SLC25A23: variants seen among roughly 807,000 people sequenced by gnomAD.
The protein encoded by SLC25A23 is solute carrier family 25 member 23, also known as mitochondrial adenyl nucleotide antiporter SLC25A23.
SLC25A23 carries 32 observed loss-of-function variants against 53.9 expected under a neutral mutation model. The observed-to-expected ratio is 0.59, with a 90% CI of 0.45 to 0.80. SLC25A23 has a LOEUF of 0.80. Among genes scored for constraint, SLC25A23 ranks in the 30% least tolerant of loss-of-function variants. The probability of loss-of-function intolerance (pLI) is 0.00; values close to 1 mark genes in which losing one functional copy is unlikely to be tolerated. For missense variants in SLC25A23, 575 were observed against 651.4 expected (o/e 0.88, Z 1.28); for synonymous variants, 275 against 264.5 (o/e 1.04, Z -0.38).
In SLC25A23 at chr19:6,459,433, C is replaced by T. The variant is rs1429924478; in HGVS notation, c.156+40G>A. 1 of 1,530,358 alleles carries T rather than the reference C, an allele frequency of 6.5e-7. No individual in the cohort carries two copies. Among genetic ancestry groups the T allele is most frequent in the African/African-American group, 1.4e-5 (1 of 72,042 alleles). The allele number at this position is 1,530,358 out of a possible 1,614,324, so 94.8% of individuals were successfully genotyped here. On this transcript the variant is annotated intron_variant, in intron 1 of 9. Coordinates refer to ENST00000301454, the MANE Select transcript of SLC25A23 (RefSeq NM_024103.3). The surrounding 1 kb of genome is among the most constrained non-coding windows in gnomAD (Gnocchi z 4.6). ...AGGGGCTTGGGTAACCGGGAGCGGG[C>T]GGGGCCGGGAGGGGAGGAGGTCCCT...
intron 9 of SLC25A23, among the ~76,000 whole-genome samples, chr19:6,443,333 G>A (rs577170070): frequency 4.0e-5 from 6 of 151,782 alleles, no homozygotes; most frequent in Middle Eastern, 3.4e-3. Context: ...GTGATCCTCC[G>A]GCCTCAGCCT....
intron 9 of SLC25A23, among the ~76,000 whole-genome samples, chr19:6,442,427 A>G (rs1023728126): frequency 6.6e-6 from 1 of 152,152 alleles, no homozygotes; most frequent in Non-Finnish European, 1.5e-5. Context: ...TCCTGGAGCC[A>G]GGTTCCCTCC....
chr19:6,445,681 C>T (rs1016632071), intron 8 of SLC25A23, among the ~76,000 whole-genome samples: 1 of 152,154 alleles, frequency 6.6e-6, no homozygotes, highest in Non-Finnish European at 1.5e-5. Flanking sequence ...TAAGGATATA[C>T]ATTCGTGTTG....
In SLC25A23 at chr19:6,454,014, A is replaced by G; in HGVS notation, c.870T>C (p.Gly290=). Residue 290 remains glycine, a synonymous_variant, in exon 7 of 10, where the codon GGT becomes GGC. Coordinates refer to ENST00000301454, the MANE Select transcript of SLC25A23 (RefSeq NM_024103.3). The surrounding 1 kb of genome is among the most constrained non-coding windows in gnomAD (Gnocchi z 4.3). ...GGTAAATGATGGTTTGGGCTGTGGC[A>G]CCAGCCAGGGAGCCAGCCACGAAGC... is the stretch of plus-strand genomic sequence containing the variant. ...QERFVAGSLA[G]ATAQTIIYPM... 1 of 1,613,258 alleles carries G rather than the reference A, an allele frequency of 6.2e-7. No individual in the cohort carries two copies. The highest frequency in any genetic ancestry group is 8.5e-7 in the Non-Finnish European group (1 of 1,179,922).
At position 6,454,541 on chromosome 19, in the gene SLC25A23, C is replaced by G. The variant is rs780886775; in HGVS notation, c.642+18G>C. 6.2e-7 allele frequency: 1 copy of G among 1,612,908 alleles called. No homozygotes were observed. Among genetic ancestry groups the G allele is most frequent in the South Asian group, 1.1e-5 (1 of 91,032 alleles). Reference sequence around the variant, plus strand: ...GTCAGGCCTGGGGGAGGGGGCAGGTCTCTCCAGAGCCCCTCACCTGCATGA... The same window carrying G: ...GTCAGGCCTGGGGGAGGGGGCAGGTGTCTCCAGAGCCCCTCACCTGCATGA... On this transcript the variant is annotated intron_variant, in intron 5 of 9. Coordinates refer to ENST00000301454, the MANE Select transcript of SLC25A23 (RefSeq NM_024103.3). This position sits in a 1 kb window ranked among gnomAD's most constrained non-coding sequence, Gnocchi z 4.3.
chr19:6,440,348 GTTTT>G lies in SLC25A23; in HGVS notation c.*1623_*1626del, dbSNP rs200394701. On this transcript the variant is annotated 3_prime_UTR_variant, in exon 10 of 10. Coordinates refer to ENST00000301454, the MANE Select transcript of SLC25A23 (RefSeq NM_024103.3). ...CTGGAATGAATTTGGGGATTTGGTGGTTTTTTTTTGTTTTTGTTTTTTGCATCAT... is the reference window on the plus strand; with the variant it reads ...CTGGAATGAATTTGGGGATTTGGTGGTTTTTGTTTTTGTTTTTTGCATCAT... 2 of 151,844 alleles carry G rather than the reference GTTTT, an allele frequency of 1.3e-5. No homozygotes were observed. The highest frequency in any genetic ancestry group is 2.9e-5 in the Non-Finnish European group (2 of 67,852). 9.4% of individuals were successfully genotyped at this position (151,844 alleles called of 1,614,324 possible). A position where few individuals can be genotyped will look rare whatever the true frequency, so the allele number is the denominator to read the frequency against.
chr19:6,458,074 A>C lies in SLC25A23; in HGVS notation c.283+124T>G, dbSNP rs536809417. ...AGGAGTGCTCCTGAAATAGCCTATG[A>C]GTCATCGGGGAGAAGCGGCCCTCCC... On this transcript the variant is annotated intron_variant, in intron 2 of 9. Transcript: ENST00000301454. 3.9e-6 allele frequency: 5 copies of C among 1,280,502 alleles called. No homozygotes were observed. The African/African-American group carries it at 7.4e-5, about 19-fold the overall frequency. 79.3% of individuals were successfully genotyped at this position (1,280,502 alleles called of 1,614,324 possible). A position where few individuals can be genotyped will look rare whatever the true frequency, so the allele number is the denominator to read the frequency against.
chr19:6,459,357 G>A lies in SLC25A23; in HGVS notation c.156+116C>T. Reference sequence around the variant, plus strand: ...TAGGGGGAACGAGACAGAGACACAGGTTCTGGAGTCCAGCCACAGGTAGTC... The same window carrying A: ...TAGGGGGAACGAGACAGAGACACAGATTCTGGAGTCCAGCCACAGGTAGTC... On this transcript the variant is annotated intron_variant, in intron 1 of 9. Transcript: ENST00000301454. The surrounding 1 kb of genome is among the most constrained non-coding windows in gnomAD (Gnocchi z 4.6). 1.1e-6 allele frequency: 1 copy of A among 870,008 alleles called. No individual in the cohort carries two copies. Among genetic ancestry groups the A allele is most frequent in the South Asian group, 2.0e-5 (1 of 51,252 alleles). 53.9% of individuals were successfully genotyped at this position (870,008 alleles called of 1,614,324 possible). A position where few individuals can be genotyped will look rare whatever the true frequency, so the allele number is the denominator to read the frequency against.
At chr19:6,439,102 C>T (rs549731463), downstream of SLC25A23, among the ~76,000 whole-genome samples, 1 of 151,202 alleles carries the variant, frequency 6.6e-6, no homozygotes, top group Admixed American at 6.6e-5. Context: ...TGCCTATAGT[C>T]CTAGCTACTT....
chr19:6,439,399 T>TCTCA (rs1196510603), downstream of SLC25A23, among the ~76,000 whole-genome samples: 1,989 of 124,050 alleles, frequency 0.016, 18 homozygotes, highest in South Asian at 0.041. Context: ...TCTCTCTCTC[T>TCTCA]CACACACACA....
rs776516702 is a variant in SLC25A23 at position 6,459,639 on chromosome 19, C to G, written c.-11G>C. 12 of 1,436,204 alleles carry G rather than the reference C, an allele frequency of 8.4e-6. No individual in the cohort carries two copies. Among genetic ancestry groups the G allele is most frequent in the Non-Finnish European group, 1.1e-5 (12 of 1,098,702 alleles). The allele number at this position is 1,436,204 out of a possible 1,614,324, so 89.0% of individuals were successfully genotyped here. A position where few individuals can be genotyped will look rare whatever the true frequency, so the allele number is the denominator to read the frequency against. ...CGGGCTCCCCCGCATGGCGCCCGCC[C>G]GGGGGGGAGGGGAGGCCCGGCAGCG... is the stretch of plus-strand genomic sequence containing the variant. On this transcript the variant is annotated 5_prime_UTR_variant, in exon 1 of 10. Transcript: ENST00000301454. This position sits in a 1 kb window ranked among gnomAD's most constrained non-coding sequence, Gnocchi z 4.6.
Position 6,454,688 on chromosome 19 carries a change from C to T in SLC25A23, c.513G>A (p.Val171=). Residue 171 remains valine (V), a synonymous_variant, in exon 5 of 10, where the codon GTG becomes GTA. Transcript: ENST00000301454. The surrounding 1 kb of genome is among the most constrained non-coding windows in gnomAD (Gnocchi z 4.3). ...TCTCTTGCTTTGAGAACTCGTCCGG[C>T]ACTGTCAGGCACTCGCCAATGTCCA... ...TVLDIGECLT[V]PDEFSKQEKL... 2 of 1,614,044 alleles carry T rather than the reference C, an allele frequency of 1.2e-6. No homozygotes were observed. The highest frequency in any genetic ancestry group is 1.7e-5 in the Admixed American group (1 of 60,026).
Position 6,459,636 on chromosome 19 carries a change from G to GC in SLC25A23, c.-9dup. On this transcript the variant is annotated 5_prime_UTR_variant, in exon 1 of 10. Coordinates refer to ENST00000301454, the MANE Select transcript of SLC25A23 (RefSeq NM_024103.3). This position sits in a 1 kb window ranked among gnomAD's most constrained non-coding sequence, Gnocchi z 4.6. The stretch of plus-strand genomic sequence containing the variant: ...GCCCGGGCTCCCCCGCATGGCGCCC[G>GC]CCCGGGGGGGAGGGGAGGCCCGGCA... 6.9e-7 allele frequency: 1 copy of GC among 1,447,162 alleles called. No individual in the cohort carries two copies. Among genetic ancestry groups the GC allele is most frequent in the Non-Finnish European group, 9.1e-7 (1 of 1,104,430 alleles). 89.6% of individuals were successfully genotyped at this position (1,447,162 alleles called of 1,614,324 possible).
chr19:6,445,808 T>A (rs1387153999), intron 8 of SLC25A23, among the ~76,000 whole-genome samples: 3 of 151,998 alleles, frequency 2.0e-5, no homozygotes, highest in Non-Finnish European at 1.5e-5. Flanking sequence ...TCCCAGCACT[T>A]TGGGAGGCCG....
At chr19:6,450,353 T>C (rs540457652) in intron 8 of SLC25A23, among the ~76,000 whole-genome samples, 1 of 152,288 alleles carries the variant, frequency 6.6e-6, no homozygotes, top group Non-Finnish European at 1.5e-5. Context: ...TGTCACCTTC[T>C]TGGAGGCGTT....
chr19:6,449,391 T>C (rs189039066), intron 8 of SLC25A23, among the ~76,000 whole-genome samples: 2 of 151,488 alleles, frequency 1.3e-5, no homozygotes, highest in Non-Finnish European at 2.9e-5. Context: ...TAGCTGGCAC[T>C]ACAGGTGTGC....
chr19:6,442,730 T>C (rs1156508039), intron 9 of SLC25A23, among the ~76,000 whole-genome samples: 1 of 152,060 alleles, frequency 6.6e-6, no homozygotes. Context: ...TTTGTATTTA[T>C]AGTAGAGACG....
intron 2 of SLC25A23, 33 bp from the exon 3 acceptor site, chr19:6,457,623 G>A (rs770440793): frequency 1.3e-6 from 2 of 1,589,410 alleles, no homozygotes; most frequent in Non-Finnish European, 1.7e-6. Context: ...GGAAGGATGT[G>A]CGTGTGAGGA....
chr19:6,456,343 C>T, intron 4 of SLC25A23, 77 bp downstream of exon 4: 1 of 1,435,078 alleles, frequency 7.0e-7, no homozygotes, highest in South Asian at 1.2e-5. Context: ...CCCATCCAAG[C>T]CCTGGGGAGA....
Sources: allele counts gnomAD v4.1 joint callset (sites outside exome capture counted in the v4.1 genomes callset), GRCh38; gene constraint gnomAD v4.1.1; non-coding constraint Gnocchi (gnomAD v3.1); transcripts MANE v1.5; gene names NCBI Gene and HGNC (gene_info 2026-07-23, HGNC 2026-07-21).